MTTP: variants seen among roughly 807,000 people sequenced by gnomAD.
The protein encoded by MTTP is microsomal triglyceride transfer protein.
A neutral mutation model predicts 90.6 loss-of-function variants in MTTP; 49 were observed. The ratio of observed to expected loss-of-function variants is 0.54; its 90% confidence interval spans 0.43 to 0.69. The LOEUF (loss-of-function observed/expected upper bound fraction) is 0.69. Among genes scored for constraint, MTTP ranks in the 30% least tolerant of loss-of-function variants. The probability of loss-of-function intolerance (pLI) is 0.00; values close to 1 mark genes in which losing one functional copy is unlikely to be tolerated. For missense variants in MTTP, 945 were observed against 1,067.5 expected (o/e 0.89, Z 1.60); for synonymous variants, 347 against 384.2 (o/e 0.90, Z 1.13).
chr4:99,589,319 A>C (rs1217487181), intron 3 of MTTP, among the ~76,000 whole-genome samples: 4 of 151,878 alleles, frequency 2.6e-5, no homozygotes, highest in Non-Finnish European at 5.9e-5. Flanking sequence ...ACATGCTGAC[A>C]TGTTCAAACA....
chr4:99,574,805 G>C, upstream of MTTP: 1 of 1,609,898 alleles, frequency 6.2e-7, no homozygotes. Context: ...CATGATTGTT[G>C]CAGGTTCTGA....
chr4:99,589,778 G>C, intron 4 of MTTP, 28 bp downstream of exon 4: 1 of 1,346,196 alleles, frequency 7.4e-7, no homozygotes, highest in Non-Finnish European at 1.1e-6. Flanking sequence ...TAAGGATTCA[G>C]CATCTCAATA....
chr4:99,615,177 T>C (rs1393746828), intron 15 of MTTP, among the ~76,000 whole-genome samples: 1 of 152,218 alleles, frequency 6.6e-6, no homozygotes, highest in South Asian at 2.1e-4. Context: ...GCAAACTTGT[T>C]CTGTAAAGGG....
intron 1 of MTTP, among the ~76,000 whole-genome samples, chr4:99,567,514 C>T (rs1421684750): frequency 6.6e-6 from 1 of 152,084 alleles, no homozygotes; most frequent in African/African-American, 2.4e-5. Flanking sequence ...AATGTGAGGT[C>T]GGCGTCAAAA....
At chr4:99,594,131 C>T (rs1221155658) in intron 6 of MTTP, among the ~76,000 whole-genome samples, 1 of 152,182 alleles carries the variant, frequency 6.6e-6, no homozygotes, top group Non-Finnish European at 1.5e-5. Flanking sequence ...GCTCAAGGCT[C>T]CGAAGCACAT....
intron 6 of MTTP, among the ~76,000 whole-genome samples, chr4:99,592,905 C>T (rs1488718536): frequency 6.6e-6 from 1 of 152,142 alleles, no homozygotes; most frequent in Non-Finnish European, 1.5e-5. Flanking sequence ...CGTAACTGCA[C>T]GTGCTATACT....
chr4:99,576,903 C>T (rs1447328326), intron 1 of MTTP, among the ~76,000 whole-genome samples: 3 of 151,954 alleles, frequency 2.0e-5, no homozygotes, highest in Non-Finnish European at 4.4e-5. Context: ...ACAAAAATAT[C>T]TTACTATTGC....
chr4:99,575,012 T>C, intron 1 of MTTP, 42 bp downstream of exon 1: 2 of 1,602,974 alleles, frequency 1.2e-6, no homozygotes, highest in Non-Finnish European at 1.7e-6. Context: ...ATTTCCATCT[T>C]TGGAGTTGGA....
rs1171947188 is a variant in MTTP, at chr4:99,623,830, T to C, written c.*982T>C. ...ATTTGTATGAATTAAAAGATCCATG[T>C]TGAACATTTGCAAATATTTATTAAT... On this transcript the variant is annotated 3_prime_UTR_variant, in exon 18 of 18. Transcript: ENST00000265517. 2.0e-5 allele frequency: 3 copies of C among 152,212 alleles called. No individual in the cohort carries two copies. The highest frequency in any genetic ancestry group is 4.4e-5 in the Non-Finnish European group (3 of 68,040). The allele number at this position is 152,212 out of a possible 1,614,324, so 9.4% of individuals were successfully genotyped here.
intron 11 of MTTP, among the ~76,000 whole-genome samples, chr4:99,607,590 G>T (rs1445594400): frequency 6.6e-6 from 1 of 152,080 alleles, no homozygotes; most frequent in African/African-American, 2.4e-5. Flanking sequence ...CAAGATTTGA[G>T]GGAGTTAGTA....
intron 8 of MTTP, among the ~76,000 whole-genome samples, chr4:99,598,745 C>T (rs1392788015): frequency 6.8e-6 from 1 of 146,316 alleles, no homozygotes; most frequent in East Asian, 2.1e-4. Context: ...CTCACCACAA[C>T]CTCCACCTTC....
intron 3 of MTTP, 122 bp downstream of exon 3, chr4:99,583,639 G>C (rs898477556): frequency 8.5e-6 from 10 of 1,176,980 alleles, no homozygotes; most frequent in South Asian, 1.3e-5. Flanking sequence ...ATTTCTTCAA[G>C]AACTAAAGAA....
chr4:99,601,746 C>A, intron 10 of MTTP, 32 bp downstream of exon 10: 1 of 1,451,472 alleles, frequency 6.9e-7, no homozygotes, highest in Non-Finnish European at 9.7e-7. Context: ...TGTATTACAT[C>A]ATTCTACACC....
intron 15 of MTTP, among the ~76,000 whole-genome samples, chr4:99,614,272 A>G (rs931976613): frequency 4.6e-5 from 7 of 152,134 alleles, no homozygotes; most frequent in African/African-American, 1.7e-4. Context: ...TGGTCTGAAG[A>G]TTTTATCAGC....
rs1430957072 is a variant in MTTP at position 99,619,115 on chromosome 4, T to G, written c.2342+17T>G. The stretch of plus-strand genomic sequence containing the variant: ...GAAAAATAGGTAAGTGTTTATGCAT[T>G]ATACATTTATGAATTACATATAAGA... On this transcript the variant is annotated intron_variant, in intron 16 of 17. Coordinates refer to ENST00000265517, the MANE Select transcript of MTTP (RefSeq NM_001386140.1). The G allele has an allele frequency of 5.6e-6, 9 of 1,606,956 alleles. No homozygotes were observed. In the Admixed American group the frequency reaches 1.5e-4, roughly 27 times the overall value.
chr4:99,582,435 A>T (rs1173086577), intron 2 of MTTP, among the ~76,000 whole-genome samples: 1 of 152,162 alleles, frequency 6.6e-6, no homozygotes, highest in Non-Finnish European at 1.5e-5. Flanking sequence ...AACAATTTAG[A>T]CCACTCTAAC....
chr4:99,597,523 T>C (rs1725587235), intron 8 of MTTP, among the ~76,000 whole-genome samples: 1 of 152,206 alleles, frequency 6.6e-6, no homozygotes, highest in Non-Finnish European at 1.5e-5. Context: ...CGTCGTGACA[T>C]CGTGGGGCAT....
chr4:99,612,363 C>T (rs974348359), intron 14 of MTTP, among the ~76,000 whole-genome samples: 57 of 144,828 alleles, frequency 3.9e-4, no homozygotes, highest in African/African-American at 1.4e-3. Context: ...TGGTGTTTAT[C>T]GACTTTTTTT....
upstream of MTTP, chr4:99,570,809 A>G: frequency 4.4e-6 from 2 of 455,512 alleles, no homozygotes; most frequent in South Asian, 3.1e-5. Flanking sequence ...TGGATTTGTA[A>G]ATGCAGGAAG....
Sources: gnomAD v4.1 joint callset for allele counts (sites outside exome capture counted in the v4.1 genomes callset) on GRCh38, gnomAD v4.1.1 for gene constraint, MANE v1.5 for transcripts, NCBI Gene and HGNC (gene_info 2026-07-23, HGNC 2026-07-21) for gene names.